Variants in GALNT9 observed in about 807,000 individuals in gnomAD.
GALNT9 encodes the protein polypeptide N-acetylgalactosaminyltransferase 9.
Under a neutral mutation model 63.1 loss-of-function variants are expected in GALNT9, and 47 were observed. The observed-to-expected ratio is 0.75, with a 90% CI of 0.59 to 0.95. The LOEUF (loss-of-function observed/expected upper bound fraction) is 0.95, where lower values mean the gene tolerates loss of function less well. Ranked by LOEUF, GALNT9 falls within the 40% of genes least tolerant of loss-of-function variation. GALNT9 has a pLI of 0.00. For synonymous variants in GALNT9, 396 were observed against 365.7 expected, an observed-to-expected ratio of 1.08 and a Z score of -0.94; for missense variants, 829 against 874.8, an observed-to-expected ratio of 0.95 and a Z score of 0.66.
intron 1 of GALNT9, among the ~76,000 whole-genome samples, chr12:132,305,494 GGGGCACA>G (rs1881565852): frequency 6.1e-5 from 1 of 16,358 alleles, no homozygotes; most frequent in African/African-American, 3.8e-4. Context: ...CACCCTCACC[GGGGCACA>G]CCCTCACCCG....
chr12:132,239,335 GAGTC>G (rs113746082), intron 6 of GALNT9, among the ~76,000 whole-genome samples: 36,134 of 132,966 alleles, frequency 0.27, 5,735 homozygotes, highest in African/African-American at 0.43. Flanking sequence ...GAGAGAGACA[GAGTC>G]AGAGACAGAG....
At chr12:132,303,542 C>G (rs868955041) in intron 1 of GALNT9, among the ~76,000 whole-genome samples, 12 of 60,326 alleles carry the variant, frequency 2.0e-4, no homozygotes, top group Non-Finnish European at 3.1e-4. Flanking sequence ...CAGCCTCACC[C>G]GGGCACACCC....
chr12:132,243,571 G>T (rs2136905715), intron 6 of GALNT9, among the ~76,000 whole-genome samples: 61 of 152,278 alleles, frequency 4.0e-4, no homozygotes, highest in African/African-American at 1.4e-3. Context: ...CTCTTCGTCT[G>T]GCTCCCAGGA....
intron 3 of GALNT9, 112 bp from the exon 4 acceptor site, chr12:132,261,234 A>C: frequency 2.0e-6 from 3 of 1,486,806 alleles, no homozygotes; most frequent in Non-Finnish European, 2.7e-6. Context: ...TATTGTAAAC[A>C]TTCTCTTAGG....
Position 132,196,914 on chromosome 12 carries a change from G to A in GALNT9, c.*193C>T, listed in dbSNP as rs1276513936. The A allele has an allele frequency of 7.0e-7, 1 of 1,421,720 alleles. No homozygotes were observed. The highest frequency in any genetic ancestry group is 9.2e-7 in the Non-Finnish European group (1 of 1,090,758). 88.1% of individuals were successfully genotyped at this position (1,421,720 alleles called of 1,614,324 possible). On this transcript the variant is annotated 3_prime_UTR_variant, in exon 11 of 11. Coordinates refer to ENST00000328957, the MANE Select transcript of GALNT9 (RefSeq NM_001122636.2). ...CCTCGGGTAGAGCCGCCTGTCCTAGGAGAAGCTGTACTCCAGATGCAGTGG... is the reference window on the plus strand; with the variant it reads ...CCTCGGGTAGAGCCGCCTGTCCTAGAAGAAGCTGTACTCCAGATGCAGTGG...
At position 132,329,210 on chromosome 12, in the gene GALNT9, G is replaced by A. The variant is rs781892788; in HGVS notation, c.-7C>T. ...TCTTCCTGGCCACCGCCATGAACACGGCTGCAGCGGGGGCCTCACCCGCGG... is the reference window on the plus strand; with the variant it reads ...TCTTCCTGGCCACCGCCATGAACACAGCTGCAGCGGGGGCCTCACCCGCGG... On this transcript the variant is annotated 5_prime_UTR_variant, in exon 1 of 11. Transcript: ENST00000328957. 8 of 1,540,206 alleles carry A rather than the reference G, an allele frequency of 5.2e-6. No homozygotes were observed. Among genetic ancestry groups the A allele is most frequent in the Middle Eastern group, 1.7e-4 (1 of 5,986 alleles).
intron 4 of GALNT9, 32 bp downstream of exon 4, chr12:132,260,916 A>G: frequency 6.7e-6 from 10 of 1,494,284 alleles, no homozygotes; most frequent in East Asian, 2.6e-5. Flanking sequence ...GGACCCGCTG[A>G]GACTGGCTGT....
chr12:132,203,032 GA>G (rs1383165083), intron 7 of GALNT9, among the ~76,000 whole-genome samples: 8 of 152,174 alleles, frequency 5.3e-5, no homozygotes, highest in Non-Finnish European at 1.0e-4. Context: ...TGGTGGGGGT[GA>G]CCTGGAAAAG....
At chr12:132,221,658 CAA>C (rs761220333) in intron 6 of GALNT9, among the ~76,000 whole-genome samples, 15,482 of 79,222 alleles carry the variant, frequency 0.2, 833 homozygotes, top group Admixed American at 0.23. Context: ...GAGACGTTCT[CAA>C]AAAAAAAAAA....
At chr12:132,212,920 T>C (rs1233165472) in intron 6 of GALNT9, among the ~76,000 whole-genome samples, 1 of 66,706 alleles carries the variant, frequency 1.5e-5, no homozygotes, top group Admixed American at 1.6e-4. Flanking sequence ...TCTCAGACCG[T>C]GACATGGAAA....
chr12:132,263,363 A>G (rs1879475846), intron 2 of GALNT9, among the ~76,000 whole-genome samples: 2 of 152,270 alleles, frequency 1.3e-5, no homozygotes, highest in African/African-American at 4.8e-5. Context: ...TGGATTGCAC[A>G]GTTTTCATGA....
At position 132,197,125 on chromosome 12, in the gene GALNT9, G is replaced by A; in HGVS notation, c.1794C>T (p.Ile598=). The A allele has an allele frequency of 3.1e-6, 5 of 1,614,156 alleles. No homozygotes were observed. The highest frequency in any genetic ancestry group is 4.2e-6 in the Non-Finnish European group (5 of 1,180,016). The change falls in exon 11 of 11, where the codon ATC becomes ATT. Residue 598 remains isoleucine, a synonymous_variant. Coordinates refer to ENST00000328957, the MANE Select transcript of GALNT9 (RefSeq NM_001122636.2). Reference sequence around the variant, plus strand: ...GGTGGGGTCAGTGCCGTGCGTGTTTGATCCAGTTTCTGATCATCCACTTCT... The same window carrying A: ...GGTGGGGTCAGTGCCGTGCGTGTTTAATCCAGTTTCTGATCATCCACTTCT... ...SGQKWMIRNW[I]KHARH is the part of the protein sequence containing the mutation.
Position 132,296,209 on chromosome 12 carries a change from G to A in GALNT9, c.239-9779C>T, listed in dbSNP as rs1350037501. The stretch of plus-strand genomic sequence containing the variant: ...CGGCCTCCGAACAGGGAGAGTGTCC[G>A]TTTCTGTTGGTCTAAGCCACGCAGT... On this transcript the variant is annotated intron_variant, in intron 1 of 10. Transcript: ENST00000328957. This position sits in a 1 kb window ranked among gnomAD's most constrained non-coding sequence, Gnocchi z 4.2. Among the ~76,000 whole-genome samples, 2 of 152,276 alleles carry A rather than the reference G, an allele frequency of 1.3e-5. No individual in the cohort carries two copies. Among genetic ancestry groups the A allele is most frequent in the African/African-American group, 2.4e-5 (1 of 41,476 alleles).
intron 1 of GALNT9, among the ~76,000 whole-genome samples, chr12:132,307,858 C>CA (rs1225318972): frequency 6.7e-6 from 1 of 148,446 alleles, no homozygotes; most frequent in East Asian, 2.0e-4. Context: ...ACAACAACCA[C>CA]AAAAAACAAG....
chr12:132,221,745 G>A (rs897370068), intron 6 of GALNT9, among the ~76,000 whole-genome samples: 7 of 150,550 alleles, frequency 4.6e-5, no homozygotes, highest in Non-Finnish European at 3.0e-5. Context: ...ATCCGCAAAC[G>A]TCAGGGCTCT....
rs1215211230 is a variant in GALNT9, at chr12:132,316,059, G to A, written c.238+12907C>T. Among the ~76,000 whole-genome samples, 1 of 152,132 alleles carries A rather than the reference G, an allele frequency of 6.6e-6. No individual in the cohort carries two copies. Among genetic ancestry groups the A allele is most frequent in the Non-Finnish European group, 1.5e-5 (1 of 68,014 alleles). ...GCCGCCCACCCCCTCACGCCTGCAG[G>A]TCTTGGGTTCCGTCATGTTTCCTCA... On this transcript the variant is annotated intron_variant, in intron 1 of 10. Transcript: ENST00000328957. The surrounding 1 kb of genome is among the most constrained non-coding windows in gnomAD (Gnocchi z 4.3).
intron 1 of GALNT9, among the ~76,000 whole-genome samples, chr12:132,295,420 G>C (rs1178242846): frequency 6.7e-6 from 1 of 150,358 alleles, no homozygotes; most frequent in African/African-American, 2.5e-5. Flanking sequence ...CCAGCCCTGG[G>C]GACCTGTGAA....
chr12:132,303,838 C>G (rs1288863394), intron 1 of GALNT9, among the ~76,000 whole-genome samples: 1 of 52,116 alleles, frequency 1.9e-5, no homozygotes. Flanking sequence ...CCGGGGCACA[C>G]CCTCACCCGG....
chr12:132,243,754 C>T (rs980835639), intron 6 of GALNT9, among the ~76,000 whole-genome samples: 2 of 152,198 alleles, frequency 1.3e-5, no homozygotes, highest in Admixed American at 1.3e-4. Context: ...CCACCACGCA[C>T]CGGCTGGCAT....
Sources: gnomAD v4.1 joint callset for allele counts (sites outside exome capture counted in the v4.1 genomes callset) on GRCh38, gnomAD v4.1.1 for gene constraint, Gnocchi (gnomAD v3.1) non-coding constraint, MANE v1.5 for transcripts, NCBI Gene and HGNC (gene_info 2026-07-23, HGNC 2026-07-21) for gene names.